The following OPHN1 variants were observed in gnomAD, a reference collection of about 807,000 sequenced individuals.
OPHN1 encodes oligophrenin 1.
Under a neutral mutation model 60.7 loss-of-function variants are expected in OPHN1, and 11 were observed. The observed-to-expected ratio is 0.18, with a 90% CI of 0.11 to 0.30. The LOEUF (loss-of-function observed/expected upper bound fraction) is 0.30. Among genes scored for constraint, OPHN1 ranks in the 10% least tolerant of loss-of-function variants. OPHN1 has a pLI of 1.00. For synonymous variants in OPHN1, 226 were observed against 222.6 expected (o/e 1.02, Z -0.14); for missense variants, 449 against 611.0 (o/e 0.73, Z 2.80).
intron 5 of OPHN1, among the ~76,000 whole-genome samples, chrX:68,235,494 G>A (rs1467310468): frequency 9.0e-6 from 1 of 111,008 alleles, no homozygotes; most frequent in Non-Finnish European, 1.9e-5. Flanking sequence ...CAAGCAATCT[G>A]TTGCTGGGCA....
intron 10 of OPHN1, among the ~76,000 whole-genome samples, chrX:68,204,005 A>C (rs1289562376): frequency 8.9e-6 from 1 of 112,689 alleles, no homozygotes; most frequent in Non-Finnish European, 1.9e-5. Flanking sequence ...TCATCTTTAT[A>C]CCTCCAGTAT....
chrX:68,067,004 GC>G (rs1468100386), intron 20 of OPHN1, among the ~76,000 whole-genome samples: 4 of 112,345 alleles, frequency 3.6e-5, no homozygotes, highest in Non-Finnish European at 5.6e-5. Context: ...TAGGCGTGGG[GC>G]CAACCCTTAA....
At chrX:68,374,806 C>A (rs2078547935) in intron 2 of OPHN1, among the ~76,000 whole-genome samples, 1 of 112,071 alleles carries the variant, frequency 8.9e-6, no homozygotes, top group Admixed American at 9.5e-5. Flanking sequence ...CATTAGTAGG[C>A]AAAATATTTG....
intron 15 of OPHN1, among the ~76,000 whole-genome samples, chrX:68,141,904 TAAAGAAAGAAAGAAAGAAAGAAAG>T (rs199937682): frequency 0.015 from 1,348 of 90,206 alleles, 12 homozygotes; most frequent in Middle Eastern, 0.027. Flanking sequence ...TGATGTTAAT[TAAAGAAAGAAAGAAAGAAAGAAAG>T]AAAGAAAGAA....
intron 2 of OPHN1, among the ~76,000 whole-genome samples, chrX:68,326,999 C>G (rs2078265059): frequency 2.1e-5 from 1 of 48,232 alleles, no homozygotes; most frequent in Admixed American, 2.0e-4. Context: ...GACCCCTCTG[C>G]CTGGCCAGCC....
At chrX:68,201,409 C>T (rs1460100855) in intron 11 of OPHN1, among the ~76,000 whole-genome samples, 1 of 111,952 alleles carries the variant, frequency 8.9e-6, no homozygotes, top group Non-Finnish European at 1.9e-5. Context: ...CTGATAGAAG[C>T]TTGCACAGAG....
At chrX:68,339,128 G>T (rs945324582) in intron 2 of OPHN1, among the ~76,000 whole-genome samples, 1 of 103,825 alleles carries the variant, frequency 9.6e-6, no homozygotes, top group African/African-American at 3.5e-5. Context: ...GAAAATTAAT[G>T]TAATATACCA....
chrX:68,258,355 C>T (rs910357171), intron 5 of OPHN1, among the ~76,000 whole-genome samples: 19 of 100,838 alleles, frequency 1.9e-4, no homozygotes, highest in African/African-American at 6.9e-4. Flanking sequence ...CCCATTAACT[C>T]GTCATTTAAC....
In OPHN1 at chrX:68,188,932, G is replaced by A. The variant is rs1353051393; in HGVS notation, c.1276+3987C>T. On this transcript the variant is annotated intron_variant, in intron 15 of 24. Transcript: ENST00000355520. ...AGGTATTCCACTTAGTTTCTGAGAA[G>A]TCCACGTATCTTATTCTAATGCCAT... is the stretch of plus-strand genomic sequence containing the variant. Among the ~76,000 whole-genome samples the A allele has an allele frequency of 2.7e-5, 3 of 112,049 alleles. No individual in the cohort carries two copies. In the Admixed American group the frequency reaches 2.8e-4, roughly 11 times the overall value.
At chrX:68,102,564 T>TA (rs1006656687) in intron 18 of OPHN1, among the ~76,000 whole-genome samples, 21 of 109,960 alleles carry the variant, frequency 1.9e-4, no homozygotes, top group South Asian at 7.8e-4. Context: ...AAAAATGCAT[T>TA]AAAAAAAATC....
In OPHN1 at chrX:68,044,314, C is replaced by T. The variant is rs1904282165; in HGVS notation, c.*2858G>A. On this transcript the variant is annotated 3_prime_UTR_variant, in exon 25 of 25. Transcript: ENST00000355520. ...CTAAGAGTGGCCTGGATTCAAATCACAGTCCTTTTATTTACTTTCTATGTG... is the reference window on the plus strand; with the variant it reads ...CTAAGAGTGGCCTGGATTCAAATCATAGTCCTTTTATTTACTTTCTATGTG... 2 of 112,722 alleles carry T rather than the reference C, an allele frequency of 1.8e-5. No individual in the cohort carries two copies. The highest frequency in any genetic ancestry group is 6.4e-5 in the African/African-American group (2 of 31,061). The allele number at this position is 112,722 out of a possible 1,213,427, so 9.3% of individuals were successfully genotyped here.
At chrX:68,328,316 G>A (rs1329842976) in intron 2 of OPHN1, among the ~76,000 whole-genome samples, 1 of 107,887 alleles carries the variant, frequency 9.3e-6, no homozygotes, top group Non-Finnish European at 1.9e-5. Flanking sequence ...TTTTAGTAGA[G>A]ACAGGGTTTC....
intron 2 of OPHN1, among the ~76,000 whole-genome samples, chrX:68,345,101 A>C (rs897248311): frequency 8.9e-6 from 1 of 112,466 alleles, no homozygotes; most frequent in African/African-American, 3.2e-5. Context: ...AACTCTGTGG[A>C]GTACAAATTG....
intron 4 of OPHN1, among the ~76,000 whole-genome samples, chrX:68,282,010 T>C (rs2078021371): frequency 8.9e-6 from 1 of 112,419 alleles, no homozygotes; most frequent in Non-Finnish European, 1.9e-5. Flanking sequence ...ATTTTGGAAG[T>C]TGGTTGGCAA....
chrX:68,103,916 G>T (rs1021245697), intron 18 of OPHN1, among the ~76,000 whole-genome samples: 1 of 111,834 alleles, frequency 8.9e-6, no homozygotes, highest in Non-Finnish European at 1.9e-5. Context: ...TGTATATTTA[G>T]AAAACCCCAT....
In OPHN1 at chrX:68,310,418, C is replaced by T. The variant is rs1243349319; in HGVS notation, c.155-11322G>A. Among the ~76,000 whole-genome samples the T allele has an allele frequency of 6.5e-5, 7 of 107,647 alleles. No homozygotes were observed. In the East Asian group the frequency reaches 1.4e-3, roughly 22 times the overall value. The allele number at this position is 107,647 out of a possible 115,157, so 93.5% of individuals were successfully genotyped here. ...TAAAACTAATCCTGAACCAGCACCA[C>T]GCAAGCTCTAAGAAGAGGAAAAAAA... On this transcript the variant is annotated intron_variant, in intron 2 of 24. Coordinates refer to ENST00000355520, the MANE Select transcript of OPHN1 (RefSeq NM_002547.3).
intron 2 of OPHN1, among the ~76,000 whole-genome samples, chrX:68,416,065 TATAGAGAG>T (rs1173800212): frequency 3.9e-3 from 20 of 5,192 alleles, no homozygotes; most frequent in African/African-American, 7.3e-3. Flanking sequence ...TATATATATA[TATAGAGAG>T]AGAGAGAGAG....
intron 2 of OPHN1, among the ~76,000 whole-genome samples, chrX:68,334,546 T>C (rs1039305551): frequency 4.4e-5 from 5 of 112,403 alleles, no homozygotes; most frequent in African/African-American, 1.6e-4. Context: ...AATTTCCATA[T>C]AGTTAGACTT....
intron 21 of OPHN1, among the ~76,000 whole-genome samples, chrX:68,060,112 C>T (rs1489121042): frequency 9.0e-6 from 1 of 111,442 alleles, no homozygotes; most frequent in Non-Finnish European, 1.9e-5. Flanking sequence ...GTCCTAAATC[C>T]CTTTGCGGTA....
Sources: allele counts gnomAD v4.1 joint callset (sites outside exome capture counted in the v4.1 genomes callset), GRCh38; gene constraint gnomAD v4.1.1; transcripts MANE v1.5; gene names NCBI Gene and HGNC (gene_info 2026-07-23, HGNC 2026-07-21).